ZNF385B: variants seen among roughly 807,000 people sequenced by gnomAD.
ZNF385B encodes the protein zinc finger protein 385B, also known as zinc finger protein 533.
A neutral mutation model predicts 39.2 loss-of-function variants in ZNF385B; 23 were observed. The observed-to-expected ratio is 0.59, with a 90% confidence interval of 0.42 to 0.83. The LOEUF (loss-of-function observed/expected upper bound fraction) is 0.83, where lower values mean the gene tolerates loss of function less well. ZNF385B is among the 40% of genes least tolerant of loss of function. ZNF385B has a pLI of 0.00. For missense variants in ZNF385B, 552 were observed against 598.9 expected, an observed-to-expected ratio of 0.92 and a Z score of 0.82; for synonymous variants, 205 against 222.6, an observed-to-expected ratio of 0.92 and a Z score of 0.70.
At chr2:179,532,437 A>C (rs569471849) in intron 4 of ZNF385B, among the ~76,000 whole-genome samples, 1 of 152,310 alleles carries the variant, frequency 6.6e-6, no homozygotes, top group African/African-American at 2.4e-5. Flanking sequence ...AGAAACCTAC[A>C]TGAACCACGT....
chr2:179,790,805 A>T (rs1705280762), intron 1 of ZNF385B, among the ~76,000 whole-genome samples: 1 of 152,228 alleles, frequency 6.6e-6, no homozygotes, highest in South Asian at 2.1e-4. Flanking sequence ...AAAGGAGGAG[A>T]ATGAACCAGA....
chr2:179,850,270 T>C lies in ZNF385B; in HGVS notation c.-155+10831A>G, dbSNP rs1575597512. Among the ~76,000 whole-genome samples, 3 of 152,156 alleles carry C rather than the reference T, an allele frequency of 2.0e-5. No homozygotes were observed. The South Asian group carries it at 6.2e-4, about 32-fold the overall frequency. On this transcript the variant is annotated intron_variant, in intron 1 of 9. Coordinates refer to ENST00000410066, the MANE Select transcript of ZNF385B (RefSeq NM_152520.6). Reference sequence around the variant, plus strand: ...TAATAATGCCAAGAAGGGGACAGATTGTAGCAATCAGCTCAGCTGAGCTTC... The same window carrying C: ...TAATAATGCCAAGAAGGGGACAGATCGTAGCAATCAGCTCAGCTGAGCTTC...
chr2:179,827,490 A>G (rs1420406134), intron 1 of ZNF385B, among the ~76,000 whole-genome samples: 4 of 152,196 alleles, frequency 2.6e-5, no homozygotes, highest in African/African-American at 9.6e-5. Context: ...TATCAGTGGG[A>G]AATCTGTGTT....
At position 179,755,830 on chromosome 2, in the gene ZNF385B, G is replaced by C. The variant is rs548917664; in HGVS notation, c.298+13673C>G. On this transcript the variant is annotated intron_variant, in intron 3 of 9. Coordinates refer to ENST00000410066, the MANE Select transcript of ZNF385B (RefSeq NM_152520.6). Reference sequence around the variant, plus strand: ...TTATTTTGAGCCTATGTGTGTCTCTGCACGTGAGATGGGTCTCCTGAATAC... The same window carrying C: ...TTATTTTGAGCCTATGTGTGTCTCTCCACGTGAGATGGGTCTCCTGAATAC... Among the ~76,000 whole-genome samples, 9 of 152,252 alleles carry C rather than the reference G, an allele frequency of 5.9e-5. No individual in the cohort carries two copies. The South Asian group carries it at 1.9e-3, about 32-fold the overall frequency.
intron 4 of ZNF385B, among the ~76,000 whole-genome samples, chr2:179,520,547 T>A (rs1199701422): frequency 6.6e-6 from 1 of 152,212 alleles, no homozygotes; most frequent in Non-Finnish European, 1.5e-5. Flanking sequence ...AAATCCCATC[T>A]ATCTATTTGC....
chr2:179,580,805 A>G (rs1311280165), intron 3 of ZNF385B, among the ~76,000 whole-genome samples: 1 of 152,236 alleles, frequency 6.6e-6, no homozygotes, highest in Non-Finnish European at 1.5e-5. Context: ...GCCCAAGCAA[A>G]CTAATATAGC....
At chr2:179,722,044 G>T (rs963520300) in intron 3 of ZNF385B, among the ~76,000 whole-genome samples, 3 of 152,100 alleles carry the variant, frequency 2.0e-5, no homozygotes, top group East Asian at 1.9e-4. Context: ...AAAGTCAATT[G>T]CCTCTCTATG....
chr2:179,807,202 C>T (rs566696296), intron 1 of ZNF385B, among the ~76,000 whole-genome samples: 1 of 152,240 alleles, frequency 6.6e-6, no homozygotes, highest in African/African-American at 2.4e-5. Flanking sequence ...ATTTGGTATG[C>T]TCACACAATG....
intron 3 of ZNF385B, among the ~76,000 whole-genome samples, chr2:179,574,637 C>T (rs531859382): frequency 6.6e-6 from 1 of 152,176 alleles, no homozygotes. Flanking sequence ...TAGAAACTAA[C>T]TAGATGGAAG....
At chr2:179,496,493 G>T (rs994653897) in intron 5 of ZNF385B, among the ~76,000 whole-genome samples, 2 of 152,076 alleles carry the variant, frequency 1.3e-5, no homozygotes, top group African/African-American at 4.8e-5. Context: ...GTACAAGAAG[G>T]TTTAGAACAC....
At chr2:179,460,625 T>C (rs1475001211) in intron 6 of ZNF385B, among the ~76,000 whole-genome samples, 1 of 152,200 alleles carries the variant, frequency 6.6e-6, no homozygotes, top group African/African-American at 2.4e-5. Flanking sequence ...ACATCACTGT[T>C]GTAGAACCTA....
At chr2:179,735,550 A>G (rs1269928598) in intron 3 of ZNF385B, among the ~76,000 whole-genome samples, 3 of 140,312 alleles carry the variant, frequency 2.1e-5, no homozygotes, top group African/African-American at 7.9e-5. Flanking sequence ...CCAAAGGACT[A>G]TAAATCATGC....
intron 3 of ZNF385B, among the ~76,000 whole-genome samples, chr2:179,635,343 T>A (rs1252017707): frequency 2.4e-5 from 3 of 124,366 alleles, no homozygotes; most frequent in African/African-American, 9.1e-5. Context: ...ATGAGATCAC[T>A]TGGACACAGA....
intron 1 of ZNF385B, among the ~76,000 whole-genome samples, chr2:179,836,017 C>A (rs1195747176): frequency 1.3e-5 from 2 of 152,032 alleles, no homozygotes; most frequent in Non-Finnish European, 1.5e-5. Flanking sequence ...TCTATTTAGC[C>A]TTAAAAAATA....
chr2:179,660,669 T>C (rs1343917682), intron 3 of ZNF385B, among the ~76,000 whole-genome samples: 1 of 152,204 alleles, frequency 6.6e-6, no homozygotes. Context: ...TCATGATGGA[T>C]TGTTTGTTTG....
At chr2:179,616,601 C>A (rs1558985807) in intron 3 of ZNF385B, among the ~76,000 whole-genome samples, 1 of 152,088 alleles carries the variant, frequency 6.6e-6, no homozygotes, top group Non-Finnish European at 1.5e-5. Flanking sequence ...ACTGTGTCAC[C>A]CAGGCTGGAG....
chr2:179,553,172 A>T (rs2060688580), intron 3 of ZNF385B, among the ~76,000 whole-genome samples: 1 of 149,220 alleles, frequency 6.7e-6, no homozygotes, highest in Non-Finnish European at 1.5e-5. Context: ...TAAACCTGAG[A>T]GATTTAAAAT....
intron 3 of ZNF385B, among the ~76,000 whole-genome samples, chr2:179,609,316 A>G (rs1689095291): frequency 6.6e-6 from 1 of 152,126 alleles, no homozygotes; most frequent in Non-Finnish European, 1.5e-5. Context: ...GATATGTGAG[A>G]ACATGTGACG....
At chr2:179,519,094 T>C (rs6756413) in intron 4 of ZNF385B, among the ~76,000 whole-genome samples, 113,797 of 152,082 alleles carry the variant, frequency 0.75, 42,991 homozygotes, top group East Asian at 0.91. Flanking sequence ...GATCCTCTTG[T>C]TTCAGCCGCC....
Sources: gnomAD v4.1 joint callset for allele counts (sites outside exome capture counted in the v4.1 genomes callset) on GRCh38, gnomAD v4.1.1 for gene constraint, MANE v1.5 for transcripts, NCBI Gene and HGNC (gene_info 2026-07-23, HGNC 2026-07-21) for gene names.